The following DIS3L2 variants were observed in gnomAD, a reference collection of about 807,000 sequenced individuals.
The protein encoded by DIS3L2 is DIS3-like exonuclease 2.
A neutral mutation model predicts 97.5 loss-of-function variants in DIS3L2; 34 were observed. The ratio of observed to expected loss-of-function variants is 0.35; its 90% CI spans 0.27 to 0.46. The LOEUF is 0.46. Among genes scored for constraint, DIS3L2 ranks in the 20% least tolerant of loss-of-function variants. The probability of loss-of-function intolerance (pLI) is 1.00; values close to 1 mark genes in which losing one functional copy is unlikely to be tolerated. For missense variants in DIS3L2, 1,038 were observed against 1,146.0 expected (o/e 0.91, Z 1.36); for synonymous variants, 435 against 445.2 (o/e 0.98, Z 0.29).
At chr2:232,204,406 T>C (rs1240251597) in intron 9 of DIS3L2, among the ~76,000 whole-genome samples, 3 of 152,212 alleles carry the variant, frequency 2.0e-5, no homozygotes, top group Non-Finnish European at 4.4e-5. Flanking sequence ...CCCAGACCAA[T>C]GGCTTTGGGT....
downstream of DIS3L2, among the ~76,000 whole-genome samples, chr2:232,340,244 C>T (rs547009227): frequency 3.3e-5 from 5 of 151,774 alleles, no homozygotes; most frequent in South Asian, 4.1e-4. Flanking sequence ...GTGTCCCAGG[C>T]GTAGCTGACC....
intron 10 of DIS3L2, 126 bp from the exon 11 acceptor site, chr2:232,238,407 T>G (rs1692989919): frequency 1.4e-6 from 1 of 693,042 alleles, no homozygotes; most frequent in South Asian, 1.9e-5. Flanking sequence ...CAAGCAAGAC[T>G]AGATGTGTCA....
intron 1 of DIS3L2, among the ~76,000 whole-genome samples, chr2:231,981,018 A>C (rs1248024956): frequency 6.6e-6 from 1 of 152,012 alleles, no homozygotes; most frequent in Non-Finnish European, 1.5e-5. Context: ...ATCTCGGCTC[A>C]CTGCAACCTC....
intron 7 of DIS3L2, among the ~76,000 whole-genome samples, chr2:232,134,739 G>A (rs1436834569): frequency 2.0e-5 from 3 of 152,156 alleles, no homozygotes; most frequent in Non-Finnish European, 2.9e-5. Context: ...GGCTAAGGCA[G>A]GAGGATTGCT....
chr2:231,989,647 A>G (rs1292032022), intron 1 of DIS3L2, among the ~76,000 whole-genome samples: 1 of 152,132 alleles, frequency 6.6e-6, no homozygotes, highest in Non-Finnish European at 1.5e-5. Context: ...CAGCCTGGGC[A>G]ACATAGTGAG....
chr2:232,130,309 T>G (rs934379253), intron 6 of DIS3L2, among the ~76,000 whole-genome samples: 2 of 152,182 alleles, frequency 1.3e-5, no homozygotes, highest in African/African-American at 4.8e-5. Flanking sequence ...AACATCTAGT[T>G]TTTTGGAATT....
Position 232,014,960 on chromosome 2 carries a change from G to A in DIS3L2, c.33G>A (p.Arg11=), listed in dbSNP as rs757314939. 2.4e-5 allele frequency: 38 copies of A among 1,613,900 alleles called. No individual in the cohort carries two copies. Among genetic ancestry groups the A allele is most frequent in the Non-Finnish European group, 3.0e-5 (35 of 1,179,940 alleles). ...ATCCTGACTACAGAATGAACCTCCG[G>A]CCCCTGGGGACCCCCAGAGGTAGTA... MSHPDYRMNL[R]PLGTPRGVSA... The change falls in exon 2 of 21, where the codon CGG becomes CGA. Residue 11 remains arginine (R), a synonymous_variant. Transcript: ENST00000325385.
chr2:232,186,980 G>A (rs1258157894), intron 9 of DIS3L2, among the ~76,000 whole-genome samples: 2 of 152,104 alleles, frequency 1.3e-5, no homozygotes, highest in African/African-American at 4.8e-5. Flanking sequence ...TGCTTTGAAG[G>A]ACACCATCAA....
chr2:232,015,500 C>T lies in DIS3L2; in HGVS notation c.53-14C>T. ...TGTTTGAGGAAAGAGTTGATTGCTG[C>T]CTCCTGTTTCTAGGTGTGTCTGCTG... On this transcript the variant is annotated splice_polypyrimidine_tract_variant and intron_variant, in intron 2 of 20. Coordinates refer to ENST00000325385, the MANE Select transcript of DIS3L2 (RefSeq NM_152383.5). 6.2e-7 allele frequency: 1 copy of T among 1,609,058 alleles called. No individual in the cohort carries two copies. The highest frequency in any genetic ancestry group is 8.5e-7 in the Non-Finnish European group (1 of 1,177,446).
At chr2:232,040,772 C>T (rs979468668) in intron 5 of DIS3L2, among the ~76,000 whole-genome samples, 6 of 152,210 alleles carry the variant, frequency 3.9e-5, no homozygotes, top group East Asian at 1.9e-4. Context: ...AACTGGGGCT[C>T]GGTTTAAGCC....
At chr2:232,131,468 T>C (rs562292953) in intron 7 of DIS3L2, 1 of 152,106 alleles carries the variant, frequency 6.6e-6, no homozygotes, top group Non-Finnish European at 1.5e-5. Flanking sequence ...ATTTTTTGTA[T>C]TTTTAGTAGA....
At chr2:232,091,597 T>A (rs143145660) in intron 6 of DIS3L2, among the ~76,000 whole-genome samples, 2 of 152,330 alleles carry the variant, frequency 1.3e-5, no homozygotes, top group African/African-American at 4.8e-5. Context: ...GTTATTATGG[T>A]TAGTGCTGCG....
chr2:231,984,811 A>G, intron 1 of DIS3L2, among the ~76,000 whole-genome samples: 1 of 151,992 alleles, frequency 6.6e-6, no homozygotes, highest in South Asian at 2.1e-4. Flanking sequence ...AGTAGAGACA[A>G]CATTTCACCA....
intron 9 of DIS3L2, among the ~76,000 whole-genome samples, chr2:232,164,593 C>T (rs759186817): frequency 6.6e-6 from 1 of 152,180 alleles, no homozygotes; most frequent in Non-Finnish European, 1.5e-5. Context: ...TGAATACTCC[C>T]TCTCTGTACC....
intron 16 of DIS3L2, among the ~76,000 whole-genome samples, chr2:232,333,235 C>T (rs1443004594): frequency 8.7e-6 from 1 of 115,410 alleles, no homozygotes; most frequent in South Asian, 2.7e-4. Flanking sequence ...TCGCCTCCTC[C>T]TCCTCCTCCT....
At chr2:232,270,026 C>G (rs1347709976) in intron 13 of DIS3L2, among the ~76,000 whole-genome samples, 1 of 152,130 alleles carries the variant, frequency 6.6e-6, no homozygotes, top group African/African-American at 2.4e-5. Flanking sequence ...AGCAAATTGA[C>G]TCTCTTGATT....
intron 5 of DIS3L2, among the ~76,000 whole-genome samples, chr2:232,075,583 C>T (rs533582392): frequency 1.3e-5 from 2 of 152,310 alleles, no homozygotes; most frequent in South Asian, 2.1e-4. Context: ...TCCTCCAAGA[C>T]ACTTCTAGTC....
intron 6 of DIS3L2, among the ~76,000 whole-genome samples, chr2:232,111,867 T>A (rs988089541): frequency 6.6e-6 from 1 of 152,182 alleles, no homozygotes; most frequent in African/African-American, 2.4e-5. Flanking sequence ...TGCTAAGTAT[T>A]ATACATAGAA....
intron 9 of DIS3L2, among the ~76,000 whole-genome samples, chr2:232,164,535 G>C (rs1262685446): frequency 1.3e-5 from 2 of 152,144 alleles, no homozygotes; most frequent in East Asian, 3.9e-4. Flanking sequence ...TCATGCAGCT[G>C]AACTTATGAC....
Sources: gnomAD v4.1 joint callset for allele counts (sites outside exome capture counted in the v4.1 genomes callset) on GRCh38, gnomAD v4.1.1 for gene constraint, MANE v1.5 for transcripts, NCBI Gene and HGNC (gene_info 2026-07-23, HGNC 2026-07-21) for gene names.